SLCO4C1: variants seen among roughly 807,000 people sequenced by gnomAD.
SLCO4C1 encodes the protein solute carrier organic anion transporter family member 4C1, also known as organic anion transporter M1.
Under a neutral mutation model 72.1 loss-of-function variants are expected in SLCO4C1, and 58 were observed. The ratio of observed to expected loss-of-function variants is 0.80; its 90% CI spans 0.65 to 1.00. The LOEUF is 1.00. SLCO4C1 is among the 50% of genes least tolerant of loss of function. The pLI is 0.00. For missense variants in SLCO4C1, 898 were observed against 857.9 expected (o/e 1.05, Z -0.58); for synonymous variants, 297 against 312.5 (o/e 0.95, Z 0.52).
At chr5:102,270,260 A>G (rs1749124597) in intron 3 of SLCO4C1, among the ~76,000 whole-genome samples, 1 of 152,030 alleles carries the variant, frequency 6.6e-6, no homozygotes, top group Non-Finnish European at 1.5e-5. Flanking sequence ...GGATGTCATA[A>G]ATCACACAGA....
chr5:102,267,336 T>A (rs1383589193), intron 3 of SLCO4C1, among the ~76,000 whole-genome samples: 1 of 152,166 alleles, frequency 6.6e-6, no homozygotes, highest in African/African-American at 2.4e-5. Flanking sequence ...TTCTATTTCT[T>A]CCTGGATCAA....
At chr5:102,262,380 C>A (rs1023331943) in intron 4 of SLCO4C1, among the ~76,000 whole-genome samples, 2 of 152,068 alleles carry the variant, frequency 1.3e-5, no homozygotes, top group African/African-American at 4.8e-5. Context: ...AAATATATAT[C>A]ACAGCAAATC....
Position 102,234,289 on chromosome 5 carries a change from T to G in SLCO4C1, c.*2569A>C, listed in dbSNP as rs925583261. 2 of 152,616 alleles carry G rather than the reference T, an allele frequency of 1.3e-5. No homozygotes were observed. The highest frequency in any genetic ancestry group is 2.4e-5 in the African/African-American group (1 of 41,468). 9.5% of individuals were successfully genotyped at this position (152,616 alleles called of 1,614,324 possible). A position where few individuals can be genotyped will look rare whatever the true frequency, so the allele number is the denominator to read the frequency against. On this transcript the variant is annotated 3_prime_UTR_variant, in exon 13 of 13. Transcript: ENST00000310954. Reference sequence around the variant, plus strand: ...AAAAAACGCACTATGAATAATTTTGTTCTAGAAGTATCACATCAACTCATA... The same window carrying G: ...AAAAAACGCACTATGAATAATTTTGGTCTAGAAGTATCACATCAACTCATA...
Position 102,262,025 on chromosome 5 carries a change from A to T in SLCO4C1, c.908T>A (p.Val303Asp). Residue 303 changes from valine to aspartate, a missense_variant, in exon 5 of 13, where the codon GTC becomes GAC. Val to Asp is a radical substitution (Grantham distance 152). Transcript: ENST00000310954. The stretch of plus-strand genomic sequence containing the variant: ...CAACCATCGCGGATCATCCTCAGTG[A>T]CATCAGTGCTATATGATAGAAAAAC... ...IDVAMGESTD[V>D]TEDDPRWLGA... is the part of the protein sequence containing the mutation. The T allele has an allele frequency of 6.2e-7, 1 of 1,611,944 alleles. No homozygotes were observed. Among genetic ancestry groups the T allele is most frequent in the Non-Finnish European group, 8.5e-7 (1 of 1,178,952 alleles).
intron 2 of SLCO4C1, among the ~76,000 whole-genome samples, chr5:102,272,170 A>G (rs1749165248): frequency 1.3e-5 from 2 of 152,174 alleles, no homozygotes; most frequent in Admixed American, 1.3e-4. Flanking sequence ...GTGGGAGAAG[A>G]CAGAGATCCA....
chr5:102,249,749 G>A lies in SLCO4C1; in HGVS notation c.1509C>T (p.Ala503=), dbSNP rs1748703218. ...AATATGATCGCGAACAGTTACAATTGGCATTACAAGGGGCTATCAAGTTTC... is the reference window on the plus strand; with the variant it reads ...AATATGATCGCGAACAGTTACAATTAGCATTACAAGGGGCTATCAAGTTTC... ...ELGNLIAPCN[A]NCNCSRSYYY... The change falls in exon 9 of 13, where the codon GCC becomes GCT. Residue 503 remains alanine (A), a synonymous_variant. Coordinates refer to ENST00000310954, the MANE Select transcript of SLCO4C1 (RefSeq NM_180991.5). The A allele has an allele frequency of 6.2e-7, 1 of 1,613,844 alleles. No individual in the cohort carries two copies. The highest frequency in any genetic ancestry group is 1.7e-5 in the Admixed American group (1 of 59,952).
At chr5:102,257,078 C>G (rs1219769101) in intron 8 of SLCO4C1, 37 bp downstream of exon 8, 2 of 1,407,724 alleles carry the variant, frequency 1.4e-6, no homozygotes, top group African/African-American at 3.0e-5. Flanking sequence ...GTCTATTATT[C>G]TGGTATTAAT....
At chr5:102,248,342 AG>A (rs1381651665) in intron 9 of SLCO4C1, among the ~76,000 whole-genome samples, 1 of 152,214 alleles carries the variant, frequency 6.6e-6, no homozygotes, top group Non-Finnish European at 1.5e-5. Flanking sequence ...GACATAAAAA[AG>A]TCAGGACAAA....
chr5:102,261,693 C>T (rs1748947123), intron 5 of SLCO4C1, among the ~76,000 whole-genome samples: 1 of 151,698 alleles, frequency 6.6e-6, no homozygotes, highest in African/African-American at 2.4e-5. Flanking sequence ...GGTAAATATT[C>T]ATAGTTTTAT....
intron 1 of SLCO4C1, 27 bp downstream of exon 1, chr5:102,295,881 G>C: frequency 6.3e-7 from 1 of 1,590,600 alleles, no homozygotes; most frequent in Non-Finnish European, 8.6e-7. Context: ...CCACTGGCCC[G>C]AGCCTCAAGC....
chr5:102,257,341 A>G, intron 7 of SLCO4C1, 31 bp from the exon 8 acceptor site: 1 of 1,540,212 alleles, frequency 6.5e-7, no homozygotes, highest in Non-Finnish European at 8.7e-7. Flanking sequence ...AGATTGTGAG[A>G]AACCATACAC....
At position 102,234,800 on chromosome 5, in the gene SLCO4C1, TTTCC is replaced by T. The variant is rs758738487; in HGVS notation, c.*2054_*2057del. ...CACAAAGGACAAAGAAAGCCTAAAC[TTTCC>T]TTTTCCTTTTTTCTGGGCTCCAATA... On this transcript the variant is annotated 3_prime_UTR_variant, in exon 13 of 13. Coordinates refer to ENST00000310954, the MANE Select transcript of SLCO4C1 (RefSeq NM_180991.5). 1 of 34,128 alleles carries T rather than the reference TTTCC, an allele frequency of 2.9e-5. No individual in the cohort carries two copies. The highest frequency in any genetic ancestry group is 8.8e-4 in the South Asian group (1 of 1,130). 2.1% of individuals were successfully genotyped at this position (34,128 alleles called of 1,614,324 possible). A position where few individuals can be genotyped will look rare whatever the true frequency, so the allele number is the denominator to read the frequency against.
intron 11 of SLCO4C1, 81 bp downstream of exon 11, chr5:102,240,637 C>T: frequency 8.9e-7 from 1 of 1,120,070 alleles, no homozygotes; most frequent in Non-Finnish European, 1.3e-6. Flanking sequence ...TTTTTTGCCA[C>T]AGGCCATAAA....
chr5:102,283,967 T>C (rs1049713577), intron 2 of SLCO4C1, among the ~76,000 whole-genome samples: 1 of 152,180 alleles, frequency 6.6e-6, no homozygotes, highest in Admixed American at 6.5e-5. Flanking sequence ...AGCATTCTGC[T>C]ACTATTTCTG....
At chr5:102,258,209 C>A in intron 6 of SLCO4C1, 122 bp from the exon 7 acceptor site, 1 of 690,734 alleles carries the variant, frequency 1.4e-6, no homozygotes, top group Non-Finnish European at 2.2e-6. Flanking sequence ...TTCAGCATTT[C>A]CTCCAAAACA....
chr5:102,253,718 T>C (rs1257937986), intron 8 of SLCO4C1, among the ~76,000 whole-genome samples: 1 of 151,678 alleles, frequency 6.6e-6, no homozygotes, highest in African/African-American at 2.4e-5. Context: ...GGCAGGAGAA[T>C]TGCTTGAACC....
At chr5:102,288,315 C>T (rs1399689105) in intron 2 of SLCO4C1, among the ~76,000 whole-genome samples, 1 of 152,204 alleles carries the variant, frequency 6.6e-6, no homozygotes, top group Non-Finnish European at 1.5e-5. Flanking sequence ...CTTCCACCTT[C>T]TAGTAAAAAC....
At chr5:102,247,917 C>CTTT (rs55692838) in intron 9 of SLCO4C1, among the ~76,000 whole-genome samples, 182 of 107,344 alleles carry the variant, frequency 1.7e-3, no homozygotes, top group African/African-American at 4.8e-3. Context: ...AGGCCAGAAA[C>CTTT]TTTTTTTTTT....
chr5:102,243,530 A>T (rs1748584617), intron 10 of SLCO4C1, among the ~76,000 whole-genome samples: 1 of 152,238 alleles, frequency 6.6e-6, no homozygotes, highest in African/African-American at 2.4e-5. Context: ...CCACAGCATT[A>T]CTGGCCTTCG....
Sources: allele counts gnomAD v4.1 joint callset (sites outside exome capture counted in the v4.1 genomes callset), GRCh38; gene constraint gnomAD v4.1.1; transcripts MANE v1.5; gene names NCBI Gene and HGNC (gene_info 2026-07-23, HGNC 2026-07-21).